ZKSCAN8: variants seen among roughly 807,000 people sequenced by gnomAD.
ZKSCAN8 encodes zinc finger with KRAB and SCAN domains 8, also known as zinc finger protein with KRAB and SCAN domains 8.
ZKSCAN8 carries 27 observed loss-of-function variants against 57.2 expected under a neutral mutation model. The observed-to-expected ratio is 0.47, with a 90% CI of 0.35 to 0.65. ZKSCAN8 has a LOEUF of 0.65. ZKSCAN8 is among the 30% of genes least tolerant of loss of function. ZKSCAN8 has a pLI of 0.01. For missense variants in ZKSCAN8, 597 were observed against 696.3 expected, an observed-to-expected ratio of 0.86 and a Z score of 1.60; for synonymous variants, 214 against 248.7, an observed-to-expected ratio of 0.86 and a Z score of 1.31.
chr6:28,158,112 T>C lies in ZKSCAN8; in HGVS notation c.*4095T>C, dbSNP rs549558445. On this transcript the variant is annotated 3_prime_UTR_variant, in exon 6 of 6. Transcript: ENST00000330236. Reference sequence around the variant, plus strand: ...TCACCAGTGGACAAATAATAAGGCCTTTTTTTATTATTATTTCTTGTCTTT... The same window carrying C: ...TCACCAGTGGACAAATAATAAGGCCCTTTTTTATTATTATTTCTTGTCTTT... 8.5e-5 allele frequency: 13 copies of C among 152,268 alleles called. No individual in the cohort carries two copies. In the East Asian group the frequency reaches 2.5e-3, roughly 29 times the overall value. 9.4% of individuals were successfully genotyped at this position (152,268 alleles called of 1,614,324 possible). A position where few individuals can be genotyped will look rare whatever the true frequency, so the allele number is the denominator to read the frequency against.
chr6:28,148,448 C>T lies in ZKSCAN8; in HGVS notation c.41C>T (p.Pro14Leu), dbSNP rs1003762006. The stretch of plus-strand genomic sequence containing the variant: ...AGAAAGCCTTCAGCCCCATCCCCAC[C>T]AGACCAGACTCCTGAAGAGGATCTT... ...ESRKPSAPSP[P>L]DQTPEEDLVI... Residue 14 changes from proline (P) to leucine (L), a missense_variant, in exon 2 of 6, where the codon CCA becomes CTA. Transcript: ENST00000330236. 6.2e-7 allele frequency: 1 copy of T among 1,614,134 alleles called. No homozygotes were observed. Among genetic ancestry groups the T allele is most frequent in the Non-Finnish European group, 8.5e-7 (1 of 1,179,994 alleles).
In ZKSCAN8 at chr6:28,149,041, T is replaced by C. The variant is rs140744862; in HGVS notation, c.417+217T>C. Among the ~76,000 whole-genome samples, 520 of 152,206 alleles carry C rather than the reference T, an allele frequency of 3.4e-3. 3 individuals carry two copies. Among genetic ancestry groups the C allele is most frequent in the Non-Finnish European group, 5.2e-3 (356 of 68,020 alleles). Reference sequence around the variant, plus strand: ...TGTCGTCATAACATCCCTACGACTGTATTGTTCTTGTTTGCCAGATGGGAA... The same window carrying C: ...TGTCGTCATAACATCCCTACGACTGCATTGTTCTTGTTTGCCAGATGGGAA... On this transcript the variant is annotated intron_variant, in intron 2 of 5. Transcript: ENST00000330236.
At position 28,157,022 on chromosome 6, in the gene ZKSCAN8, A is replaced by C. The variant is rs1223578235; in HGVS notation, c.*3005A>C. The C allele has an allele frequency of 6.6e-6, 1 of 152,214 alleles. No individual in the cohort carries two copies. Among genetic ancestry groups the C allele is most frequent in the Non-Finnish European group, 1.5e-5 (1 of 68,048 alleles). 9.4% of individuals were successfully genotyped at this position (152,214 alleles called of 1,614,324 possible). A position where few individuals can be genotyped will look rare whatever the true frequency, so the allele number is the denominator to read the frequency against. On this transcript the variant is annotated 3_prime_UTR_variant, in exon 6 of 6. Transcript: ENST00000330236. ...CCTTTCTCAGGCTCATGATAAATGT[A>C]TTAGTCTGTTCTCATGCTGCTATTA... is the stretch of plus-strand genomic sequence containing the variant.
At position 28,159,219 on chromosome 6, in the gene ZKSCAN8, G is replaced by C. The variant is rs1765880699; in HGVS notation, c.*5202G>C. 6.6e-6 allele frequency: 1 copy of C among 152,098 alleles called. No individual in the cohort carries two copies. Among genetic ancestry groups the C allele is most frequent in the South Asian group, 2.1e-4 (1 of 4,816 alleles). 9.4% of individuals were successfully genotyped at this position (152,098 alleles called of 1,614,324 possible). On this transcript the variant is annotated 3_prime_UTR_variant, in exon 6 of 6. Coordinates refer to ENST00000330236, the MANE Select transcript of ZKSCAN8 (RefSeq NM_006298.4). ...CTCATGCGATGACCTCCCTCATTCT[G>C]TGCTGCCTCAGCACTTATCTTTTGA...
chr6:28,152,022 T>TGTAGCA, intron 4 of ZKSCAN8, 86 bp downstream of exon 4: 1 of 1,502,580 alleles, frequency 6.7e-7, no homozygotes, highest in Non-Finnish European at 9.2e-7. Context: ...CTGTCTAGTT[T>TGTAGCA]GTAGCAGTAC....
At chr6:28,150,833 G>A (rs1765567229) in intron 3 of ZKSCAN8, among the ~76,000 whole-genome samples, 1 of 152,096 alleles carries the variant, frequency 6.6e-6, no homozygotes, top group South Asian at 2.1e-4. Flanking sequence ...TTGAGACAGA[G>A]TCTCACTCTG....
intron 5 of ZKSCAN8, 101 bp from the exon 6 acceptor site, chr6:28,152,955 A>C (rs1765642111): frequency 6.6e-7 from 1 of 1,504,300 alleles, no homozygotes. Flanking sequence ...ATAGCTGTTC[A>C]TGTGTACTTT....
rs1443977472 is a variant in ZKSCAN8 at position 28,153,831 on chromosome 6, C to A, written c.1551C>A (p.Pro517=). The change falls in exon 6 of 6, where the codon CCC becomes CCA. Residue 517 remains proline, a synonymous_variant. Coordinates refer to ENST00000330236, the MANE Select transcript of ZKSCAN8 (RefSeq NM_006298.4). Reference sequence around the variant, plus strand: ...AGAGAATCCACACTGGAGAAAGACCCTATAAATGTAAAGAATGTGGGAAAG... The same window carrying A: ...AGAGAATCCACACTGGAGAAAGACCATATAAATGTAAAGAATGTGGGAAAG... The part of the protein sequence containing the change: ...EHQRIHTGER[P]YKCKECGKAF... 1 of 1,614,032 alleles carries A rather than the reference C, an allele frequency of 6.2e-7. No homozygotes were observed. Among genetic ancestry groups the A allele is most frequent in the Non-Finnish European group, 8.5e-7 (1 of 1,179,976 alleles).
chr6:28,154,199 T>C lies in ZKSCAN8; in HGVS notation c.*182T>C. 1 of 759,598 alleles carries C rather than the reference T, an allele frequency of 1.3e-6. No homozygotes were observed. The highest frequency in any genetic ancestry group is 2.0e-6 in the Non-Finnish European group (1 of 493,002). 47.1% of individuals were successfully genotyped at this position (759,598 alleles called of 1,614,324 possible). A position where few individuals can be genotyped will look rare whatever the true frequency, so the allele number is the denominator to read the frequency against. On this transcript the variant is annotated 3_prime_UTR_variant, in exon 6 of 6. Transcript: ENST00000330236. The stretch of plus-strand genomic sequence containing the variant: ...GGCCCAGTGCCTTGGTGAAGGTTGA[T>C]TAGCTTGACTGTCTTTGAAAGTATC...
chr6:28,149,441 C>T (rs769100653), intron 2 of ZKSCAN8, 42 bp from the exon 3 acceptor site: 3 of 1,608,728 alleles, frequency 1.9e-6, no homozygotes, highest in South Asian at 2.2e-5. Flanking sequence ...CATTACATTT[C>T]GCAAAGGGAT....
Position 28,143,599 on chromosome 6 carries a change from T to C in ZKSCAN8, c.-93+1570T>C, listed in dbSNP as rs368688317. On this transcript the variant is annotated intron_variant, in intron 1 of 5. Coordinates refer to ENST00000330236, the MANE Select transcript of ZKSCAN8 (RefSeq NM_006298.4). ...CCTAAATAATAATAATAATATTTTA[T>C]AGCCATTATGGATGAGGATTGCTCA... Among the ~76,000 whole-genome samples, 24 of 152,280 alleles carry C rather than the reference T, an allele frequency of 1.6e-4. No individual in the cohort carries two copies. In the South Asian group the frequency reaches 1.9e-3, roughly 12 times the overall value.
At chr6:28,145,675 GGCATTCCTTGGCTT>G (rs1390807688) in intron 1 of ZKSCAN8, among the ~76,000 whole-genome samples, 1 of 152,142 alleles carries the variant, frequency 6.6e-6, no homozygotes, top group African/African-American at 2.4e-5. Context: ...GACAAACTTT[GGCATTCCTTGGCTT>G]GCAGCTGCAC....
At chr6:28,149,170 T>A (rs1765506061) in intron 2 of ZKSCAN8, among the ~76,000 whole-genome samples, 1 of 152,184 alleles carries the variant, frequency 6.6e-6, no homozygotes, top group Non-Finnish European at 1.5e-5. Flanking sequence ...TTAAAAGATT[T>A]TTCTACTGCA....
intron 1 of ZKSCAN8, among the ~76,000 whole-genome samples, chr6:28,146,523 G>T (rs1348178051): frequency 6.6e-6 from 1 of 152,186 alleles, no homozygotes; most frequent in Non-Finnish European, 1.5e-5. Context: ...AAAACTCACT[G>T]TTGTTGAGAT....
rs1426777592 is a variant in ZKSCAN8 at position 28,154,253 on chromosome 6, C to G, written c.*236C>G. 1 of 466,338 alleles carries G rather than the reference C, an allele frequency of 2.1e-6. No homozygotes were observed. Among genetic ancestry groups the G allele is most frequent in the East Asian group, 3.5e-5 (1 of 28,248 alleles). 28.9% of individuals were successfully genotyped at this position (466,338 alleles called of 1,614,324 possible). On this transcript the variant is annotated 3_prime_UTR_variant, in exon 6 of 6. Coordinates refer to ENST00000330236, the MANE Select transcript of ZKSCAN8 (RefSeq NM_006298.4). ...TGGAGCTCCTGATGACCTAATGTAT[C>G]CTTTAGAAATTTAAAATAGCATTAG... is the stretch of plus-strand genomic sequence containing the variant.
At chr6:28,152,237 A>G (rs759745311) in intron 4 of ZKSCAN8, 24 bp from the exon 5 acceptor site, 18 of 1,592,622 alleles carry the variant, frequency 1.1e-5, no homozygotes, top group African/African-American at 1.4e-5. Context: ...CCAGTCCCCA[A>G]ATGGGGATCT....
rs1356971354 is a variant in ZKSCAN8 at position 28,155,899 on chromosome 6, C to T, written c.*1882C>T. The T allele has an allele frequency of 2.8e-6, 1 of 359,662 alleles. No individual in the cohort carries two copies. Among genetic ancestry groups the T allele is most frequent in the African/African-American group, 2.1e-5 (1 of 47,844 alleles). The allele number at this position is 359,662 out of a possible 1,614,324, so 22.3% of individuals were successfully genotyped here. ...CATCACTTGTCATGTTGGTTTCCAA[C>T]AGTCCTTTCGATTATCCTTTATTTT... On this transcript the variant is annotated 3_prime_UTR_variant, in exon 6 of 6. Coordinates refer to ENST00000330236, the MANE Select transcript of ZKSCAN8 (RefSeq NM_006298.4).
intron 1 of ZKSCAN8, among the ~76,000 whole-genome samples, chr6:28,143,226 A>G (rs559372969): frequency 1.3e-5 from 2 of 152,332 alleles, no homozygotes; most frequent in African/African-American, 2.4e-5. Flanking sequence ...ATACTGGAGT[A>G]ATTTTGCACT....
chr6:28,152,121 C>G, intron 4 of ZKSCAN8, 140 bp from the exon 5 acceptor site: 1 of 1,411,086 alleles, frequency 7.1e-7, no homozygotes. Flanking sequence ...TTTTCCTCTT[C>G]TTCCTAGCTA....
Sources: allele counts gnomAD v4.1 joint callset (sites outside exome capture counted in the v4.1 genomes callset), GRCh38; gene constraint gnomAD v4.1.1; transcripts MANE v1.5; gene names NCBI Gene and HGNC (gene_info 2026-07-23, HGNC 2026-07-21).